The following CTDSPL2 variants were observed in gnomAD, a reference collection of about 807,000 sequenced individuals.
The protein encoded by CTDSPL2 is CTD small phosphatase like 2.
A neutral mutation model predicts 60.0 loss-of-function variants in CTDSPL2; 5 were observed. The observed-to-expected ratio is 0.08, with a 90% CI of 0.04 to 0.18. The LOEUF is 0.18. Among genes scored for constraint, CTDSPL2 ranks in the 10% least tolerant of loss-of-function variants. The probability of loss-of-function intolerance (pLI) is 1.00; values close to 1 mark genes in which losing one functional copy is unlikely to be tolerated. For missense variants in CTDSPL2, 370 were observed against 548.8 expected (o/e 0.67, Z 3.26); for synonymous variants, 186 against 189.3 (o/e 0.98, Z 0.14).
intron 1 of CTDSPL2, chr15:44,449,001 T>C: frequency 8.4e-6 from 3 of 359,060 alleles, no homozygotes; most frequent in Non-Finnish European, 1.6e-5. Context: ...TCAGCCATAC[T>C]AAAATATTTC....
chr15:44,482,934 A>T (rs1269759052), intron 2 of CTDSPL2, among the ~76,000 whole-genome samples: 1 of 152,196 alleles, frequency 6.6e-6, no homozygotes, highest in Non-Finnish European at 1.5e-5. Flanking sequence ...ACAGTAAGGA[A>T]TTATGTAGGG....
intron 2 of CTDSPL2, among the ~76,000 whole-genome samples, chr15:44,462,053 C>T: frequency 6.6e-6 from 1 of 152,126 alleles, no homozygotes; most frequent in East Asian, 1.9e-4. Flanking sequence ...GTGATGCTCC[C>T]ACTTCAGCGT....
intron 1 of CTDSPL2, among the ~76,000 whole-genome samples, chr15:44,449,988 C>CA (rs35999965): frequency 0.82 from 117,852 of 143,708 alleles, 48,589 homozygotes; most frequent in Middle Eastern, 0.93. Flanking sequence ...GAGTCTGTCT[C>CA]AAAAAAAAAA....
At position 44,496,441 on chromosome 15, in the gene CTDSPL2, C is replaced by G. The variant is rs1038634628; in HGVS notation, c.753C>G (p.Asp251Glu). 2.5e-6 allele frequency: 4 copies of G among 1,613,596 alleles called. No individual in the cohort carries two copies. Among genetic ancestry groups the G allele is most frequent in the Non-Finnish European group, 3.4e-6 (4 of 1,179,574 alleles). ...ACGCGGAGGCCACCTATGAAGAAGA[C>G]TGGGAAGTATTTGACCCGTGAGTTG... ...SAHAEATYEEDWEVFDPYYFI... is the reference protein window; with the variant it reads ...SAHAEATYEEEWEVFDPYYFI... The change falls in exon 6 of 13, where the codon GAC (aspartate) becomes GAG (glutamate). Residue 251 changes from aspartate (D) to glutamate (E), a missense_variant. Asp to Glu is a conservative substitution (Grantham distance 45). Transcript: ENST00000260327.
intron 2 of CTDSPL2, among the ~76,000 whole-genome samples, chr15:44,465,391 A>G (rs2080665043): frequency 6.6e-6 from 1 of 152,204 alleles, no homozygotes; most frequent in Non-Finnish European, 1.5e-5. Flanking sequence ...TGTTACAGTT[A>G]AGGATCATAA....
intron 2 of CTDSPL2, among the ~76,000 whole-genome samples, chr15:44,483,383 C>G (rs1457996101): frequency 2.6e-5 from 4 of 151,022 alleles, no homozygotes; most frequent in Non-Finnish European, 4.4e-5. Context: ...ACTAAAAATA[C>G]AAAAATTAGC....
intron 2 of CTDSPL2, among the ~76,000 whole-genome samples, chr15:44,480,160 C>G (rs1362093628): frequency 1.3e-5 from 2 of 152,004 alleles, no homozygotes; most frequent in Non-Finnish European, 2.9e-5. Flanking sequence ...GCAGACTGTT[C>G]CTGTCATTTC....
In CTDSPL2 at chr15:44,459,161, G is replaced by A; in HGVS notation, c.147G>A (p.Leu49=). ...EKPSKNETGL[L]SSIKKFIKGS... The stretch of plus-strand genomic sequence containing the variant: ...CATCGAAGAATGAAACCGGCTTGTT[G>A]TCTTCAATTAAAAAATTTATTAAAG... Residue 49 remains leucine (L), a synonymous_variant, in exon 2 of 13, where the codon TTG becomes TTA. Transcript: ENST00000260327. 3 of 1,608,436 alleles carry A rather than the reference G, an allele frequency of 1.9e-6. No individual in the cohort carries two copies. The highest frequency in any genetic ancestry group is 1.7e-6 in the Non-Finnish European group (2 of 1,178,084).
chr15:44,442,780 A>G (rs2080117940), intron 1 of CTDSPL2, among the ~76,000 whole-genome samples: 1 of 152,048 alleles, frequency 6.6e-6, no homozygotes, highest in Non-Finnish European at 1.5e-5. Flanking sequence ...GTTTGAGACC[A>G]CCCTGGGCAA....
intron 2 of CTDSPL2, among the ~76,000 whole-genome samples, chr15:44,461,114 A>T (rs554737334): frequency 6.6e-6 from 1 of 152,334 alleles, no homozygotes; most frequent in East Asian, 1.9e-4. Flanking sequence ...GATATTTATC[A>T]TTATCTTGGT....
At chr15:44,493,917 A>G (rs1034415069) in intron 5 of CTDSPL2, among the ~76,000 whole-genome samples, 3 of 152,190 alleles carry the variant, frequency 2.0e-5, no homozygotes, top group Non-Finnish European at 4.4e-5. Context: ...TCAGAGATGA[A>G]AAAAAATTCT....
intron 1 of CTDSPL2, among the ~76,000 whole-genome samples, chr15:44,452,302 A>G (rs1479707566): frequency 6.6e-6 from 1 of 152,048 alleles, no homozygotes; most frequent in Non-Finnish European, 1.5e-5. Flanking sequence ...GTTATTAAAT[A>G]TGTATTATTT....
intron 12 of CTDSPL2, 40 bp from the exon 13 acceptor site, chr15:44,524,069 A>T: frequency 6.6e-7 from 1 of 1,504,042 alleles, no homozygotes; most frequent in Non-Finnish European, 9.3e-7. Flanking sequence ...ATATCTTTGA[A>T]ATTTTATGCC....
intron 10 of CTDSPL2, chr15:44,517,467 G>C (rs1410755428): frequency 6.6e-6 from 1 of 150,822 alleles, no homozygotes; most frequent in African/African-American, 2.4e-5. Flanking sequence ...GCGACAGTGG[G>C]AGACTCCGTC....
chr15:44,462,302 G>C (rs2080587481), intron 2 of CTDSPL2, among the ~76,000 whole-genome samples: 1 of 152,092 alleles, frequency 6.6e-6, no homozygotes, highest in African/African-American at 2.4e-5. Context: ...ATCTCTGTTG[G>C]TCAGCAAATT....
rs2081079773 is a variant in CTDSPL2 at position 44,484,260 on chromosome 15, G to C, written c.223G>C (p.Glu75Gln). 2 of 1,611,744 alleles carry C rather than the reference G, an allele frequency of 1.2e-6. No homozygotes were observed. Among genetic ancestry groups the C allele is most frequent in the East Asian group, 4.5e-5 (2 of 44,824 alleles). Residue 75 changes from glutamate (E) to glutamine (Q), a missense_variant, in exon 3 of 13, where the codon GAA becomes CAA. Physicochemically the swap from Glu to Gln is conservative, Grantham distance 29 (BLOSUM62 2). Coordinates refer to ENST00000260327, the MANE Select transcript of CTDSPL2 (RefSeq NM_016396.3). Reference sequence around the variant, plus strand: ...AAATCCTTCAAAACGGAGTAGAATTGAACGTGATATAGATAACAATTTGAT... The same window carrying C: ...AAATCCTTCAAAACGGAGTAGAATTCAACGTGATATAGATAACAATTTGAT... Reference protein sequence around the residue: ...RENPSKRSRIERDIDNNLITS... With the variant: ...RENPSKRSRIQRDIDNNLITS...
chr15:44,464,986 G>A (rs184306941), intron 2 of CTDSPL2, among the ~76,000 whole-genome samples: 10 of 152,252 alleles, frequency 6.6e-5, no homozygotes, highest in Admixed American at 3.9e-4. Flanking sequence ...GATTACAGGC[G>A]TGAGCCACCA....
chr15:44,496,690 G>A (rs972167574), intron 6 of CTDSPL2, among the ~76,000 whole-genome samples: 7 of 152,042 alleles, frequency 4.6e-5, no homozygotes, highest in South Asian at 2.1e-4. Context: ...GCAAAACCTC[G>A]TCCCTATAAA....
chr15:44,477,446 G>A (rs1827739885), intron 2 of CTDSPL2, among the ~76,000 whole-genome samples: 2 of 151,360 alleles, frequency 1.3e-5, no homozygotes, highest in South Asian at 4.2e-4. Context: ...GAGGTGGAAG[G>A]ATGACTTGAG....
Sources: gnomAD v4.1 joint callset for allele counts (sites outside exome capture counted in the v4.1 genomes callset) on GRCh38, gnomAD v4.1.1 for gene constraint, MANE v1.5 for transcripts, NCBI Gene and HGNC (gene_info 2026-07-23, HGNC 2026-07-21) for gene names.